IGSF22: variants seen among roughly 807,000 people sequenced by gnomAD.
The protein encoded by IGSF22 is immunoglobulin superfamily, member 22.
Under a neutral mutation model 127.0 loss-of-function variants are expected in IGSF22, and 119 were observed. The ratio of observed to expected loss-of-function variants is 0.94; its 90% CI spans 0.81 to 1.09. IGSF22 has a LOEUF of 1.09. IGSF22 is among the 50% of genes least tolerant of loss of function. The pLI is 0.00. For synonymous variants in IGSF22, 568 were observed against 664.7 expected, an observed-to-expected ratio of 0.85 and a Z score of 2.24; for missense variants, 1,518 against 1,716.6, an observed-to-expected ratio of 0.88 and a Z score of 2.04.
At chr11:18,711,122 A>G (rs1427521712) in intron 15 of IGSF22, among the ~76,000 whole-genome samples, 2 of 146,072 alleles carry the variant, frequency 1.4e-5, no homozygotes, top group Non-Finnish European at 3.0e-5. Context: ...AGTGGGAAGT[A>G]AAAACAAAAA....
At chr11:18,725,160 T>C (rs1422113295) in intron 1 of IGSF22, among the ~76,000 whole-genome samples, 2 of 152,220 alleles carry the variant, frequency 1.3e-5, no homozygotes, top group Non-Finnish European at 1.5e-5. Context: ...CTCAATGTTT[T>C]ATTTAACCAG....
chr11:18,713,165 T>C (rs1590443151), intron 14 of IGSF22, among the ~76,000 whole-genome samples: 1 of 150,488 alleles, frequency 6.6e-6, no homozygotes, highest in Admixed American at 6.6e-5. Flanking sequence ...TTTTTTTTTT[T>C]TTTTGGTGAC....
chr11:18,718,571 G>A (rs1848504942), intron 8 of IGSF22, 44 bp downstream of exon 8: 1 of 1,049,596 alleles, frequency 9.5e-7, no homozygotes, highest in African/African-American at 1.6e-5. Flanking sequence ...GGGGTAGAGA[G>A]GAAGAGATAT....
intron 4 of IGSF22, 70 bp from the exon 5 acceptor site, chr11:18,720,355 T>G: frequency 2.5e-6 from 3 of 1,213,482 alleles, no homozygotes; most frequent in Non-Finnish European, 1.2e-6. Flanking sequence ...TCAGATAAGG[T>G]AGGAGGCCTT....
In IGSF22 at chr11:18,716,898, A is replaced by G; in HGVS notation, c.1076T>C (p.Val359Ala). 1 of 1,614,156 alleles carries G rather than the reference A, an allele frequency of 6.2e-7. No individual in the cohort carries two copies. Among genetic ancestry groups the G allele is most frequent in the Non-Finnish European group, 8.5e-7 (1 of 1,180,026 alleles). Residue 359 changes from valine (V) to alanine (A), a missense_variant, in exon 10 of 23, where the codon GTG (valine) becomes GCG (alanine). Physicochemically the swap from Val to Ala is moderately conservative, Grantham distance 64. Transcript: ENST00000513874. This position sits in a 1 kb window ranked among gnomAD's most constrained non-coding sequence, Gnocchi z 4.5. The part of the protein sequence containing the change: ...IRLSKKEPNF[V>A]WKFNGKELKR... Reference sequence around the variant, plus strand: ...CAGCTCCTTCCCATTGAACTTCCACACAAAGTTGGGCTCTTTCTTGGAGAG... The same window carrying G: ...CAGCTCCTTCCCATTGAACTTCCACGCAAAGTTGGGCTCTTTCTTGGAGAG...
In IGSF22 at chr11:18,704,504, G is replaced by T; in HGVS notation, c.3945C>A (p.Thr1315=). 3.2e-6 allele frequency: 5 copies of T among 1,550,678 alleles called. No individual in the cohort carries two copies. Among genetic ancestry groups the T allele is most frequent in the Non-Finnish European group, 3.5e-6 (4 of 1,146,500 alleles). Residue 1315 remains threonine, a synonymous_variant, in exon 23 of 23, where the codon ACC becomes ACA. Transcript: ENST00000513874. The part of the protein sequence containing the change: ...KDDKSVVASI[T]ESLQKKSKHL... ...GCTTTGATTTCTTCTGCAGACTCTCGGTGATGGATGCTACAACTGACTTAT... is the reference window on the plus strand; with the variant it reads ...GCTTTGATTTCTTCTGCAGACTCTCTGTGATGGATGCTACAACTGACTTAT...
rs777428419 is a variant in IGSF22, at chr11:18,709,459, G to A, written c.2926C>T (p.Arg976Trp). 9 of 1,613,940 alleles carry A rather than the reference G, an allele frequency of 5.6e-6. No homozygotes were observed. Among genetic ancestry groups the A allele is most frequent in the Non-Finnish European group, 5.9e-6 (7 of 1,180,014 alleles). Residue 976 changes from arginine (R) to tryptophan (W), a missense_variant, in exon 18 of 23, where the codon CGG (arginine) becomes TGG (tryptophan). Arg to Trp is a moderately radical substitution (Grantham distance 101, BLOSUM62 -3). This residue lies in a region of IGSF22 where 1,456 missense variants were observed against 1,644.9 expected (regional missense o/e 0.89). Transcript: ENST00000513874. This position sits in a 1 kb window ranked among gnomAD's most constrained non-coding sequence, Gnocchi z 4.8. ...CCAACCCCAGCCTCATTCACAGCCC[G>A]GATTCGGAAGAAGTATTTCTGCCTC... ...IERQKYFFRI[R>W]AVNEAGVGEP...
intron 20 of IGSF22, 27 bp from the exon 21 acceptor site, chr11:18,707,240 G>A (rs748967900): frequency 4.7e-5 from 70 of 1,495,214 alleles, no homozygotes; most frequent in Non-Finnish European, 5.6e-5. Flanking sequence ...ATCTGTCAGC[G>A]ACCTTGGGGC....
At position 18,718,563 on chromosome 11, in the gene IGSF22, G is replaced by A. The variant is rs77248679; in HGVS notation, c.810+52C>T. On this transcript the variant is annotated intron_variant, in intron 8 of 22. Transcript: ENST00000513874. ...TGGCTTATATACAGTGAGAGAAGGG[G>A]GTAGAGAGGAAGAGATATTGCCAAG... 3.4e-4 allele frequency: 328 copies of A among 959,704 alleles called. 4 individuals are homozygous for A. In the East Asian group the frequency reaches 7.7e-3, roughly 22 times the overall value. The allele number at this position is 959,704 out of a possible 1,614,324, so 59.4% of individuals were successfully genotyped here. A position where few individuals can be genotyped will look rare whatever the true frequency, so the allele number is the denominator to read the frequency against.
chr11:18,722,224 G>A (rs555901000), intron 2 of IGSF22, among the ~76,000 whole-genome samples, 183 bp from the exon 3 acceptor site: 28 of 152,298 alleles, frequency 1.8e-4, no homozygotes, highest in African/African-American at 4.8e-4. Context: ...GTTATGGCAA[G>A]TTTCAACCAC....
In IGSF22 at chr11:18,718,637, T is replaced by C. The variant is rs1848507072; in HGVS notation, c.788A>G (p.Asn263Ser). The change falls in exon 8 of 23, where the codon AAT becomes AGT. Residue 263 changes from asparagine (N) to serine (S), a missense_variant. Asn to Ser is a conservative substitution (Grantham distance 46). Coordinates refer to ENST00000513874, the MANE Select transcript of IGSF22 (RefSeq NM_173588.4). Reference protein sequence around the residue: ...FDCIMELKDPNVKMIWIKGTE... With the variant: ...FDCIMELKDPSVKMIWIKGTE... ...CACCTTGATCCATATCATCTTGACA[T>C]TGGGGTCTTTCAGTTCCATTATGCA... 1.9e-6 allele frequency: 3 copies of C among 1,610,310 alleles called. No individual in the cohort carries two copies. The highest frequency in any genetic ancestry group is 1.7e-6 in the Non-Finnish European group (2 of 1,176,496).
At chr11:18,712,559 G>T (rs1848377625) in intron 14 of IGSF22, among the ~76,000 whole-genome samples, 175 bp from the exon 15 acceptor site, 1 of 152,180 alleles carries the variant, frequency 6.6e-6, no homozygotes, top group Non-Finnish European at 1.5e-5. Flanking sequence ...CAAAGAGTTT[G>T]ATCCTTGCCC....
At position 18,721,935 on chromosome 11, in the gene IGSF22, C is replaced by T. The variant is rs1554905917; in HGVS notation, c.216G>A (p.Lys72=). ...CCTCGGGCGCGGTGACCGGTTGAGG[C>T]TTCTCCACGAACTCAGGGACGCTGT... ...AGDSVPEFVE[K]PQPVTAPEGD... The change falls in exon 3 of 23, where the codon AAG becomes AAA. Residue 72 remains lysine (K), a synonymous_variant. Coordinates refer to ENST00000513874, the MANE Select transcript of IGSF22 (RefSeq NM_173588.4). The T allele has an allele frequency of 2.5e-6, 4 of 1,613,692 alleles. No individual in the cohort carries two copies. The highest frequency in any genetic ancestry group is 3.4e-6 in the Non-Finnish European group (4 of 1,180,036).
chr11:18,714,622 G>C lies in IGSF22; in HGVS notation c.1534C>G (p.Arg512Gly). 1 of 1,613,870 alleles carries C rather than the reference G, an allele frequency of 6.2e-7. No individual in the cohort carries two copies. The highest frequency in any genetic ancestry group is 8.5e-7 in the Non-Finnish European group (1 of 1,180,042). Reference sequence around the variant, plus strand: ...ATCCCGCTCTTCACTGTGGCCAGACGCTCTGGGGAGAAAGGTGGGCAAGGG... The same window carrying C: ...ATCCCGCTCTTCACTGTGGCCAGACCCTCTGGGGAGAAAGGTGGGCAAGGG... ...YSTAIVTVEE[R>G]LATVKSGMSD... The change falls in exon 12 of 23, where the codon CGT becomes GGT. Residue 512 changes from arginine (R) to glycine (G), a missense_variant and splice_region_variant. Physicochemically the swap from Arg to Gly is moderately radical, Grantham distance 125 (BLOSUM62 -2). Transcript: ENST00000513874.
intron 1 of IGSF22, among the ~76,000 whole-genome samples, chr11:18,724,924 G>T (rs1422239829): frequency 6.6e-6 from 1 of 151,740 alleles, no homozygotes; most frequent in Non-Finnish European, 1.5e-5. Context: ...CTTCCCCATT[G>T]CAACAGGTAG....
chr11:18,704,515 C>T lies in IGSF22; in HGVS notation c.3934G>A (p.Ala1312Thr). The change falls in exon 23 of 23, where the codon GCA becomes ACA. Residue 1312 changes from alanine to threonine, a missense_variant. Transcript: ENST00000513874. ...TTCTGCAGACTCTCGGTGATGGATG[C>T]TACAACTGACTTATCATCTTTGTCT... ...VYDKDDKSVVASITESLQKKS... is the reference protein window; with the variant it reads ...VYDKDDKSVVTSITESLQKKS... The T allele has an allele frequency of 6.5e-7, 1 of 1,550,094 alleles. No individual in the cohort carries two copies. The highest frequency in any genetic ancestry group is 8.7e-7 in the Non-Finnish European group (1 of 1,146,050).
intron 4 of IGSF22, 48 bp from the exon 5 acceptor site, chr11:18,720,333 G>A (rs920849096): frequency 2.0e-6 from 3 of 1,498,866 alleles, no homozygotes; most frequent in Non-Finnish European, 2.8e-6. Flanking sequence ...GGAACCACAG[G>A]GAGACTTTCT....
Position 18,716,772 on chromosome 11 carries a change from G to A in IGSF22, c.1202C>T (p.Ala401Val), listed in dbSNP as rs767992579. ...CTTTTGTACCAGGTTCCCCGCCTCA[G>A]CAGAGAACTCGCCGCTGTCACTGAG... is the stretch of plus-strand genomic sequence containing the variant. ...ARLSDSGEFS[A>V]EAGNLVQKAQ... Residue 401 changes from alanine (A) to valine (V), a missense_variant, in exon 10 of 23, where the codon GCT (alanine) becomes GTT (valine). Ala to Val is a moderately conservative substitution (Grantham distance 64). Coordinates refer to ENST00000513874, the MANE Select transcript of IGSF22 (RefSeq NM_173588.4). This position sits in a 1 kb window ranked among gnomAD's most constrained non-coding sequence, Gnocchi z 4.5. 2.1e-5 allele frequency: 34 copies of A among 1,614,212 alleles called. No individual in the cohort carries two copies. In the Admixed American group the frequency reaches 5.7e-4, roughly 27 times the overall value.
intron 1 of IGSF22, 132 bp from the exon 2 acceptor site, chr11:18,724,401 C>A: frequency 1.9e-6 from 1 of 530,896 alleles, no homozygotes. Flanking sequence ...GTCGAGCTCT[C>A]TTTTCTTCAT....
Sources: gnomAD v4.1 joint callset for allele counts (sites outside exome capture counted in the v4.1 genomes callset) on GRCh38, gnomAD v4.1.1 for gene constraint, gnomAD v4.1.1 regional missense constraint, Gnocchi (gnomAD v3.1) non-coding constraint, MANE v1.5 for transcripts, NCBI Gene and HGNC (gene_info 2026-07-23, HGNC 2026-07-21) for gene names.